The following WSB2 variants were observed in gnomAD, a reference collection of about 807,000 sequenced individuals.
The protein encoded by WSB2 is WD repeat and SOCS box containing 2.
A neutral mutation model predicts 48.8 loss-of-function variants in WSB2; 12 were observed. The ratio of observed to expected loss-of-function variants is 0.25; its 90% CI spans 0.16 to 0.40. WSB2 has a LOEUF of 0.40. WSB2 is among the 10% of genes least tolerant of loss of function. WSB2 has a pLI of 1.00. For synonymous variants in WSB2, 191 were observed against 203.1 expected, an observed-to-expected ratio of 0.94 and a Z score of 0.51; for missense variants, 317 against 506.2, an observed-to-expected ratio of 0.63 and a Z score of 3.59.
At chr12:118,043,096 G>A (rs2031673321) in intron 3 of WSB2, 37 bp downstream of exon 3, 2 of 1,614,080 alleles carry the variant, frequency 1.2e-6, no homozygotes, top group Non-Finnish European at 1.7e-6. Flanking sequence ...ATGCACCCGA[G>A]CCTCCCAGAA....
chr12:118,051,983 A>C (rs1204437324), intron 2 of WSB2, among the ~76,000 whole-genome samples: 1 of 152,184 alleles, frequency 6.6e-6, no homozygotes, highest in Non-Finnish European at 1.5e-5. Flanking sequence ...AAAAATAAAT[A>C]AATAAAGTAA....
rs546685424 is a variant in WSB2, at chr12:118,056,057, C to T, written c.14-3579G>A. Among the ~76,000 whole-genome samples, 2 of 152,082 alleles carry T rather than the reference C, an allele frequency of 1.3e-5. 1 individual carries two copies. The highest frequency in any genetic ancestry group is 4.2e-4 in the South Asian group (2 of 4,818). The stretch of plus-strand genomic sequence containing the variant: ...CCCGCCTGGCCCAGTAGGCAACCTT[C>T]CAGCTGCTCTCCCGGCTTCCCCTCT... On this transcript the variant is annotated intron_variant, in intron 1 of 8. Coordinates refer to ENST00000315436, the MANE Select transcript of WSB2 (RefSeq NM_018639.5).
At chr12:118,045,256 C>T (rs1350638181) in intron 2 of WSB2, among the ~76,000 whole-genome samples, 4 of 151,146 alleles carry the variant, frequency 2.6e-5, no homozygotes, top group African/African-American at 7.3e-5. Context: ...CCCAGCTACT[C>T]GGAGAGGCTG....
chr12:118,057,637 T>C (rs2031980813), intron 1 of WSB2, among the ~76,000 whole-genome samples: 2 of 152,210 alleles, frequency 1.3e-5, no homozygotes, highest in African/African-American at 2.4e-5. Context: ...TGTTTTGATA[T>C]ATGTATACAT....
chr12:118,034,391 A>G (rs746582948), intron 8 of WSB2, 33 bp from the exon 9 acceptor site: 4 of 1,604,580 alleles, frequency 2.5e-6, no homozygotes, highest in Non-Finnish European at 3.4e-6. Context: ...GCTAAGACAG[A>G]GCTTGGATGT....
intron 4 of WSB2, 136 bp downstream of exon 4, chr12:118,042,705 C>G (rs2031662157): frequency 7.0e-7 from 1 of 1,435,852 alleles, no homozygotes; most frequent in Non-Finnish European, 9.3e-7. Flanking sequence ...AAAAAACTGT[C>G]TAAAAGGCTC....
At chr12:118,057,819 A>G (rs1369274158) in intron 1 of WSB2, among the ~76,000 whole-genome samples, 1 of 150,808 alleles carries the variant, frequency 6.6e-6, no homozygotes, top group Non-Finnish European at 1.5e-5. Flanking sequence ...CAGTGGCTGA[A>G]TCACAGCTCA....
At chr12:118,050,388 C>T (rs911147450) in intron 2 of WSB2, among the ~76,000 whole-genome samples, 5 of 152,160 alleles carry the variant, frequency 3.3e-5, no homozygotes, top group Admixed American at 6.6e-5. Flanking sequence ...ATGGCTCACA[C>T]CTGTAATCCC....
chr12:118,039,843 A>T (rs1437306194), intron 4 of WSB2, among the ~76,000 whole-genome samples: 1 of 151,358 alleles, frequency 6.6e-6, no homozygotes, highest in East Asian at 2.0e-4. Flanking sequence ...TCCTGGGTTC[A>T]AGCGATTCTC....
chr12:118,051,709 G>A (rs1004341183), intron 2 of WSB2, among the ~76,000 whole-genome samples: 1 of 152,184 alleles, frequency 6.6e-6, no homozygotes, highest in Non-Finnish European at 1.5e-5. Context: ...GCTCATGGGA[G>A]AAATGTGTAA....
rs574879984 is a variant in WSB2, at chr12:118,058,733, G to C, written c.13+2303C>G. Among the ~76,000 whole-genome samples, 24 of 147,018 alleles carry C rather than the reference G, an allele frequency of 1.6e-4. No individual in the cohort carries two copies. In the South Asian group the frequency reaches 5.2e-3, roughly 32 times the overall value. ...TTTTTTGAGATGGAGTTTCACTCTT[G>C]TTGCCCAGGCTGGAGTGCAATGGCG... is the stretch of plus-strand genomic sequence containing the variant. On this transcript the variant is annotated intron_variant, in intron 1 of 8. Transcript: ENST00000315436.
At chr12:118,045,471 G>A (rs549546226) in intron 2 of WSB2, among the ~76,000 whole-genome samples, 1 of 152,268 alleles carries the variant, frequency 6.6e-6, no homozygotes, top group East Asian at 1.9e-4. Flanking sequence ...GCTGAGGTGG[G>A]TGGATCACCT....
At chr12:118,056,707 C>CTGG (rs2031963402) in intron 1 of WSB2, among the ~76,000 whole-genome samples, 1 of 152,138 alleles carries the variant, frequency 6.6e-6, no homozygotes, top group South Asian at 2.1e-4. Context: ...TCAAGACCAG[C>CTGG]CTGGCCAACG....
chr12:118,049,555 C>T (rs2031808995), intron 2 of WSB2, among the ~76,000 whole-genome samples: 1 of 152,090 alleles, frequency 6.6e-6, no homozygotes, highest in South Asian at 2.1e-4. Flanking sequence ...GTGCACACCA[C>T]CACACCTGGC....
In WSB2 at chr12:118,052,297, C is replaced by T. The variant is rs1397791349; in HGVS notation, c.182+13G>A. On this transcript the variant is annotated intron_variant, in intron 2 of 8. Transcript: ENST00000315436. ...AAATGCGCCGGATGGGGCCCCAGTACGAGAATACTTACAACTGCTCCTCCA... is the reference window on the plus strand; with the variant it reads ...AAATGCGCCGGATGGGGCCCCAGTATGAGAATACTTACAACTGCTCCTCCA... 2.3e-5 allele frequency: 37 copies of T among 1,610,620 alleles called. No homozygotes were observed. Among genetic ancestry groups the T allele is most frequent in the South Asian group, 4.4e-5 (4 of 91,044 alleles).
intron 2 of WSB2, among the ~76,000 whole-genome samples, chr12:118,048,517 C>G (rs899520250): frequency 6.7e-6 from 1 of 150,276 alleles, no homozygotes; most frequent in Non-Finnish European, 1.5e-5. Flanking sequence ...ATCCAGGAGG[C>G]AGAGGTTAAA....
rs746232396 is a variant in WSB2 at position 118,038,138 on chromosome 12, A to G, written c.660+150T>C. The G allele has an allele frequency of 2.8e-5, 17 of 604,694 alleles. 1 individual carries two copies. Among genetic ancestry groups the G allele is most frequent in the Non-Finnish European group, 3.8e-5 (14 of 364,678 alleles). 37.5% of individuals were successfully genotyped at this position (604,694 alleles called of 1,614,324 possible). On this transcript the variant is annotated intron_variant, in intron 5 of 8. Transcript: ENST00000315436. Reference sequence around the variant, plus strand: ...GGTTCGTGTTAAAGTGCAAGTCACAAGGGACTTTTGCAGGTGGTGGCCATG... The same window carrying G: ...GGTTCGTGTTAAAGTGCAAGTCACAGGGGACTTTTGCAGGTGGTGGCCATG...
chr12:118,062,007 AGAG>A (rs1251544488), upstream of WSB2: 8 of 1,216,180 alleles, frequency 6.6e-6, no homozygotes, highest in East Asian at 1.9e-4. Context: ...GGCGGTGGGG[AGAG>A]GAGGGCAGGG....
chr12:118,042,835 C>A lies in WSB2; in HGVS notation c.559+6G>T. 6.2e-7 allele frequency: 1 copy of A among 1,613,734 alleles called. No homozygotes were observed. The highest frequency in any genetic ancestry group is 8.5e-7 in the Non-Finnish European group (1 of 1,179,842). The stretch of plus-strand genomic sequence containing the variant: ...AGTTGCCGAGTAGTTCCTTCACTTC[C>A]CATACCGTGTTTATTCAGGTCCCAG... On this transcript the variant is annotated splice_donor_region_variant and intron_variant, in intron 4 of 8. Transcript: ENST00000315436.
Sources: allele counts gnomAD v4.1 joint callset (sites outside exome capture counted in the v4.1 genomes callset), GRCh38; gene constraint gnomAD v4.1.1; transcripts MANE v1.5; gene names NCBI Gene and HGNC (gene_info 2026-07-23, HGNC 2026-07-21).